Variants in SLMAP observed in about 807,000 individuals in gnomAD.
SLMAP encodes sarcolemmal membrane-associated protein.
In SLMAP, 44 loss-of-function variants were observed where a neutral mutation model predicts 128.8. The ratio of observed to expected loss-of-function variants is 0.34; its 90% CI spans 0.27 to 0.44. SLMAP has a LOEUF of 0.44. Ranked by LOEUF, SLMAP falls within the 20% of genes least tolerant of loss-of-function variation. The pLI is 1.00. For missense variants in SLMAP, 787 were observed against 985.3 expected (o/e 0.80, Z 2.69); for synonymous variants, 327 against 348.8 (o/e 0.94, Z 0.70).
intron 17 of SLMAP, chr3:57,898,589 T>C (rs558100372): frequency 6.6e-5 from 10 of 152,238 alleles, no homozygotes; most frequent in Non-Finnish European, 1.5e-4. Context: ...GTTAATTGTA[T>C]TCAACTATTA....
intron 13 of SLMAP, among the ~76,000 whole-genome samples, chr3:57,868,911 G>A (rs1009864236): frequency 3.8e-5 from 5 of 130,846 alleles, no homozygotes; most frequent in Non-Finnish European, 8.0e-5. Context: ...ATATATGTGT[G>A]TATTATATAT....
intron 14 of SLMAP, among the ~76,000 whole-genome samples, chr3:57,874,593 C>T (rs910730724): frequency 3.3e-5 from 5 of 150,806 alleles, no homozygotes; most frequent in Non-Finnish European, 7.4e-5. Flanking sequence ...AGTGAGGTGG[C>T]TCACGCCTGT....
intron 2 of SLMAP, among the ~76,000 whole-genome samples, chr3:57,828,937 T>C (rs1460720852): frequency 6.6e-5 from 10 of 151,960 alleles, no homozygotes; most frequent in Admixed American, 5.9e-4. Context: ...TGCACCACCA[T>C]GCCCAGCTGA....
At chr3:57,799,019 T>C (rs2087490211) in intron 2 of SLMAP, among the ~76,000 whole-genome samples, 1 of 152,192 alleles carries the variant, frequency 6.6e-6, no homozygotes, top group Non-Finnish European at 1.5e-5. Context: ...TATTAGATCT[T>C]CAGAAGCTCT....
chr3:57,797,778 T>C (rs2087128346), intron 2 of SLMAP, among the ~76,000 whole-genome samples: 1 of 152,340 alleles, frequency 6.6e-6, no homozygotes. Context: ...TAATTTTATC[T>C]CTTCCTTGAG....
intron 13 of SLMAP, among the ~76,000 whole-genome samples, chr3:57,865,522 A>T (rs1338416425): frequency 6.6e-6 from 1 of 152,092 alleles, no homozygotes; most frequent in African/African-American, 2.4e-5. Context: ...CAAATCAGAA[A>T]ATTATTAAGT....
chr3:57,894,061 T>C (rs1316951146), intron 15 of SLMAP, among the ~76,000 whole-genome samples: 1 of 152,208 alleles, frequency 6.6e-6, no homozygotes, highest in Non-Finnish European at 1.5e-5. Context: ...ATTTTGACAG[T>C]AATGGTTTTA....
intron 14 of SLMAP, among the ~76,000 whole-genome samples, chr3:57,874,377 C>G (rs1262930032): frequency 6.6e-6 from 1 of 152,142 alleles, no homozygotes; most frequent in African/African-American, 2.4e-5. Flanking sequence ...CTAATGAGAG[C>G]AGATAATTAT....
At chr3:57,798,094 G>T (rs2087218288) in intron 2 of SLMAP, among the ~76,000 whole-genome samples, 1 of 152,194 alleles carries the variant, frequency 6.6e-6, no homozygotes, top group Non-Finnish European at 1.5e-5. Context: ...ACACGGTAAA[G>T]ACTAAATAAA....
chr3:57,906,310 C>CTTTTTCT lies in SLMAP; in HGVS notation c.1502-1569_1502-1568insCTTTTTT, dbSNP rs2096549127. 2.3e-4 allele frequency among the ~76,000 whole-genome samples: 11 copies of CTTTTTCT among 47,034 alleles called. 1 individual carries two copies. The highest frequency in any genetic ancestry group is 7.1e-4 in the African/African-American group (10 of 14,010). 30.9% of individuals were successfully genotyped at this position (47,034 alleles called of 152,430 possible). The stretch of plus-strand genomic sequence containing the variant: ...GAATCAAATTTTTTTCTTTTTTTTT[C>CTTTTTCT]TTTTTTTTTTTTTTTTTTTTTTAGA... On this transcript the variant is annotated intron_variant, in intron 17 of 24. Transcript: ENST00000671191.
Position 57,927,352 on chromosome 3 carries a change from G to A in SLMAP, c.*63G>A. The A allele has an allele frequency of 6.2e-7, 1 of 1,604,788 alleles. No homozygotes were observed. On this transcript the variant is annotated 3_prime_UTR_variant, in exon 25 of 25. Coordinates refer to ENST00000671191, the MANE Select transcript of SLMAP (RefSeq NM_001377540.1). ...CCCTGGTTGCAGTAACAGCCATCGTGCTGTACGTGCCAGGTCTGGCCAGAG... is the reference window on the plus strand; with the variant it reads ...CCCTGGTTGCAGTAACAGCCATCGTACTGTACGTGCCAGGTCTGGCCAGAG...
rs1340860833 is a variant in SLMAP at position 57,907,742 on chromosome 3, A to G, written c.1502-142A>G. The G allele has an allele frequency of 4.8e-6, 3 of 620,184 alleles. No individual in the cohort carries two copies. The East Asian group carries it at 9.1e-5, about 19-fold the overall frequency. 38.4% of individuals were successfully genotyped at this position (620,184 alleles called of 1,614,324 possible). A position where few individuals can be genotyped will look rare whatever the true frequency, so the allele number is the denominator to read the frequency against. ...TCTCCCAACTACTAAAATGCTTACT[A>G]TAATTTGCTTCTAAGTTTTATTTAA... On this transcript the variant is annotated intron_variant, in intron 17 of 24. Transcript: ENST00000671191.
chr3:57,853,961 A>T (rs1166203905), intron 6 of SLMAP, among the ~76,000 whole-genome samples: 35 of 66,092 alleles, frequency 5.3e-4, no homozygotes, highest in African/African-American at 1.7e-3. Flanking sequence ...AAAATTATAT[A>T]TATATATATA....
At chr3:57,891,261 A>G (rs1051602034) in intron 15 of SLMAP, 6 of 151,534 alleles carry the variant, frequency 4.0e-5, no homozygotes, top group Admixed American at 6.6e-5. Context: ...TATCACTTAT[A>G]TTTAATGCAT....
chr3:57,767,100 G>T (rs755064385), intron 2 of SLMAP, among the ~76,000 whole-genome samples: 1 of 151,804 alleles, frequency 6.6e-6, no homozygotes, highest in Admixed American at 6.6e-5. Context: ...TGTATTTTTA[G>T]TAGAGATGGG....
intron 17 of SLMAP, among the ~76,000 whole-genome samples, chr3:57,903,276 A>T (rs1220955296): frequency 6.6e-6 from 1 of 152,208 alleles, no homozygotes; most frequent in Non-Finnish European, 1.5e-5. Flanking sequence ...CAATGGAAAG[A>T]TGATCTTCCT....
chr3:57,760,758 G>A (rs998213700), intron 2 of SLMAP, among the ~76,000 whole-genome samples: 1 of 151,622 alleles, frequency 6.6e-6, no homozygotes, highest in African/African-American at 2.4e-5. Flanking sequence ...AAGGAGTTTC[G>A]TTCTTGTTGC....
chr3:57,915,617 A>G lies in SLMAP; in HGVS notation c.2139-1289A>G, dbSNP rs17058655. On this transcript the variant is annotated intron_variant, in intron 21 of 24. Coordinates refer to ENST00000671191, the MANE Select transcript of SLMAP (RefSeq NM_001377540.1). ...GGGATTCAGACTCTGTAGTAGTTCA[A>G]TTACCATAGTGAGTCTGAGTCTTGA... is the stretch of plus-strand genomic sequence containing the variant. Among the ~76,000 whole-genome samples the G allele has an allele frequency of 1.6e-3, 244 of 152,330 alleles. 2 individuals carry two copies. In the East Asian group the frequency reaches 0.019, roughly 12 times the overall value.
Position 57,756,861 on chromosome 3 carries a change from G to C in SLMAP, c.-791G>C, listed in dbSNP as rs1256666385. 1 of 152,228 alleles carries C rather than the reference G, an allele frequency of 6.6e-6. No homozygotes were observed. Among genetic ancestry groups the C allele is most frequent in the Admixed American group, 6.5e-5 (1 of 15,284 alleles). 9.4% of individuals were successfully genotyped at this position (152,228 alleles called of 1,614,324 possible). On this transcript the variant is annotated 5_prime_UTR_variant, in exon 2 of 25. Transcript: ENST00000671191. The stretch of plus-strand genomic sequence containing the variant: ...GTCGCGCCTCGCTCGGTCCGCACCG[G>C]CCTGCGGAGCCGGGTCCCCGCCCTG...
Sources: allele counts gnomAD v4.1 joint callset (sites outside exome capture counted in the v4.1 genomes callset), GRCh38; gene constraint gnomAD v4.1.1; transcripts MANE v1.5; gene names NCBI Gene and HGNC (gene_info 2026-07-23, HGNC 2026-07-21).